The following DOCK11 variants were observed in gnomAD, a reference collection of about 807,000 sequenced individuals.
DOCK11 encodes the protein dedicator of cytokinesis 11.
A neutral mutation model predicts 169.1 loss-of-function variants in DOCK11; 70 were observed. The ratio of observed to expected loss-of-function variants is 0.41; its 90% confidence interval spans 0.34 to 0.51. DOCK11 has a LOEUF of 0.51. Ranked by LOEUF, DOCK11 falls within the 20% of genes least tolerant of loss-of-function variation. The pLI, the probability that DOCK11 is intolerant of heterozygous loss-of-function variation, is 0.10. For missense variants in DOCK11, 1,166 were observed against 1,538.8 expected (o/e 0.76, Z 4.05); for synonymous variants, 529 against 541.3 (o/e 0.98, Z 0.32).
intron 31 of DOCK11, among the ~76,000 whole-genome samples, chrX:118,623,334 C>A (rs761536208): frequency 1.8e-5 from 2 of 112,571 alleles, no homozygotes; most frequent in Non-Finnish European, 3.8e-5. Context: ...CAGAGCTATA[C>A]CTAGGAGGTA....
At chrX:118,530,748 C>G (rs1261206715) in intron 1 of DOCK11, among the ~76,000 whole-genome samples, 3 of 111,980 alleles carry the variant, frequency 2.7e-5, no homozygotes, top group African/African-American at 9.8e-5. Context: ...TACCCTAGCC[C>G]TTACTCCATT....
chrX:118,580,592 C>G (rs762682913), intron 14 of DOCK11, among the ~76,000 whole-genome samples: 3 of 112,210 alleles, frequency 2.7e-5, no homozygotes, highest in Non-Finnish European at 5.6e-5. Flanking sequence ...GCTGGGATTA[C>G]AGGCGTGAGC....
chrX:118,547,046 C>T (rs906827440), intron 6 of DOCK11, among the ~76,000 whole-genome samples: 3 of 109,881 alleles, frequency 2.7e-5, no homozygotes, highest in African/African-American at 9.9e-5. Context: ...TTGTGCAGAG[C>T]CTTGAACACC....
At chrX:118,593,395 G>T in intron 20 of DOCK11, 58 bp downstream of exon 20, 1 of 1,085,689 alleles carries the variant, frequency 9.2e-7, no homozygotes, top group Non-Finnish European at 1.2e-6. Flanking sequence ...ACTGTCCAGG[G>T]TATAACCTCT....
Position 118,578,574 on chromosome X carries a change from G to A in DOCK11, c.1439G>A (p.Arg480Lys), listed in dbSNP as rs1173967361. 1 of 1,208,594 alleles carries A rather than the reference G, an allele frequency of 8.3e-7. No individual in the cohort carries two copies. The highest frequency in any genetic ancestry group is 1.8e-5 in the South Asian group (1 of 56,905). The part of the protein sequence containing the change: ...NPHPEIFLVA[R>K]IEKVLQGNIT... ...CATCCTGAAATTTTTCTAGTTGCCA[G>A]AATTGAAAAGGTACTACAGGGAAAC... Residue 480 changes from arginine to lysine, a missense_variant, in exon 13 of 53, where the codon AGA becomes AAA. Arg to Lys is a conservative substitution (Grantham distance 26). Transcript: ENST00000276202.
intron 1 of DOCK11, among the ~76,000 whole-genome samples, chrX:118,539,326 A>T (rs1050462685): frequency 8.0e-5 from 9 of 111,987 alleles, no homozygotes; most frequent in African/African-American, 2.6e-4. Context: ...TAAGTGAAGT[A>T]TGTCAGGCAA....
chrX:118,644,445 A>G (rs763853444), intron 40 of DOCK11, among the ~76,000 whole-genome samples: 5 of 112,092 alleles, frequency 4.5e-5, no homozygotes, highest in Non-Finnish European at 9.4e-5. Flanking sequence ...GAATTAATCT[A>G]TGGGAAGCCA....
intron 1 of DOCK11, among the ~76,000 whole-genome samples, chrX:118,499,591 C>T (rs192658711): frequency 8.9e-6 from 1 of 111,876 alleles, no homozygotes; most frequent in Non-Finnish European, 1.9e-5. Context: ...AGCGCTGAAA[C>T]GGAACCACTC....
At chrX:118,551,581 G>A in intron 6 of DOCK11, among the ~76,000 whole-genome samples, 2 of 110,401 alleles carry the variant, frequency 1.8e-5, no homozygotes, top group Non-Finnish European at 3.8e-5. Context: ...GCCTGTATTT[G>A]CAGCTACTTG....
intron 1 of DOCK11, among the ~76,000 whole-genome samples, chrX:118,521,464 C>T (rs780945022): frequency 6.2e-5 from 7 of 112,441 alleles, no homozygotes; most frequent in African/African-American, 2.3e-4. Context: ...CTGACACTCT[C>T]CAAAAAGCAA....
At chrX:118,597,823 A>G (rs1039248420) in intron 21 of DOCK11, among the ~76,000 whole-genome samples, 2 of 112,058 alleles carry the variant, frequency 1.8e-5, no homozygotes, top group Non-Finnish European at 3.8e-5. Flanking sequence ...TCATTTTATC[A>G]TAATTTATAA....
At chrX:118,639,829 T>TA (rs2015484600) in intron 38 of DOCK11, among the ~76,000 whole-genome samples, 1 of 112,020 alleles carries the variant, frequency 8.9e-6, no homozygotes, top group African/African-American at 3.2e-5. Context: ...AATTTCATCA[T>TA]ACATGACTAT....
rs751075262 is a variant in DOCK11 at position 118,523,792 on chromosome X, A to T, written c.103-18933A>T. ...AATAATACTTAGAAAACAAACTCCC[A>T]TGTGACAAATAGTTGGTTCGAAGGC... On this transcript the variant is annotated intron_variant, in intron 1 of 52. Transcript: ENST00000276202. Among the ~76,000 whole-genome samples, 3 of 111,878 alleles carry T rather than the reference A, an allele frequency of 2.7e-5. No homozygotes were observed. The South Asian group carries it at 1.1e-3, about 42-fold the overall frequency.
intron 6 of DOCK11, among the ~76,000 whole-genome samples, chrX:118,548,111 A>G: frequency 8.9e-6 from 1 of 112,539 alleles, no homozygotes; most frequent in Middle Eastern, 4.6e-3. Flanking sequence ...CCTTAGCCTC[A>G]CATTAAGTAA....
chrX:118,538,816 T>C (rs967489847), intron 1 of DOCK11: 1 of 223,523 alleles, frequency 4.5e-6, no homozygotes, highest in Non-Finnish European at 6.5e-6. Flanking sequence ...TTTGAGTGTA[T>C]TGGAAGCTTT....
chrX:118,545,535 G>T lies in DOCK11; in HGVS notation c.462+143G>T, dbSNP rs996000479. On this transcript the variant is annotated intron_variant, in intron 5 of 52. Coordinates refer to ENST00000276202, the MANE Select transcript of DOCK11 (RefSeq NM_144658.4). ...GATCTGTGGCCAGCTTTCAAACCGG[G>T]TGCTTTTCAATTTTTTTTTTAATTA... 3 of 465,209 alleles carry T rather than the reference G, an allele frequency of 6.4e-6. No homozygotes were observed. The African/African-American group carries it at 7.7e-5, about 12-fold the overall frequency. 38.3% of individuals were successfully genotyped at this position (465,209 alleles called of 1,213,427 possible).
intron 16 of DOCK11, 123 bp downstream of exon 16, chrX:118,585,240 A>G (rs2013782759): frequency 1.7e-6 from 1 of 601,506 alleles, no homozygotes; most frequent in Non-Finnish European, 2.6e-6. Flanking sequence ...AGCACAAAGT[A>G]CTGTTACAAA....
At chrX:118,528,061 G>A (rs1248399119) in intron 1 of DOCK11, among the ~76,000 whole-genome samples, 1 of 112,641 alleles carries the variant, frequency 8.9e-6, no homozygotes, top group Non-Finnish European at 1.9e-5. Context: ...CCCTGACATC[G>A]GACTATGCAA....
chrX:118,637,435 A>G (rs780863805), intron 36 of DOCK11, among the ~76,000 whole-genome samples: 1 of 111,851 alleles, frequency 8.9e-6, no homozygotes, highest in East Asian at 2.8e-4. Context: ...CCCAATTTTT[A>G]GTGTGGAAGA....
Sources: gnomAD v4.1 joint callset for allele counts (sites outside exome capture counted in the v4.1 genomes callset) on GRCh38, gnomAD v4.1.1 for gene constraint, MANE v1.5 for transcripts, NCBI Gene and HGNC (gene_info 2026-07-23, HGNC 2026-07-21) for gene names.